The following FILIP1L variants were observed in gnomAD, a reference collection of about 807,000 sequenced individuals.
The protein encoded by FILIP1L is filamin A interacting protein 1 like.
A neutral mutation model predicts 96.6 loss-of-function variants in FILIP1L; 55 were observed. The observed-to-expected ratio is 0.57, with a 90% CI of 0.46 to 0.71. FILIP1L has a LOEUF of 0.71. Ranked by LOEUF, FILIP1L falls within the 30% of genes least tolerant of loss-of-function variation. The pLI, the probability that FILIP1L is intolerant of heterozygous loss-of-function variation, is 0.00. For synonymous variants in FILIP1L, 467 were observed against 473.9 expected, an observed-to-expected ratio of 0.99 and a Z score of 0.19; for missense variants, 1,304 against 1,321.2, an observed-to-expected ratio of 0.99 and a Z score of 0.20.
intron 1 of FILIP1L, among the ~76,000 whole-genome samples, chr3:100,092,420 T>A (rs2066126177): frequency 6.6e-6 from 1 of 152,046 alleles, no homozygotes; most frequent in Non-Finnish European, 1.5e-5. Context: ...GAGTGAGAAG[T>A]TTGGCTTTTT....
chr3:100,059,815 C>T (rs1164387321), intron 1 of FILIP1L, among the ~76,000 whole-genome samples: 4 of 152,180 alleles, frequency 2.6e-5, no homozygotes, highest in African/African-American at 7.2e-5. Flanking sequence ...TATGTATCAT[C>T]TCCTGATTTT....
chr3:100,030,548 G>A (rs549110333), intron 1 of FILIP1L, among the ~76,000 whole-genome samples: 3 of 152,098 alleles, frequency 2.0e-5, no homozygotes, highest in Admixed American at 6.6e-5. Context: ...TTTTCCCGTT[G>A]AGAGCACCTG....
chr3:100,078,678 G>A (rs963231693), intron 1 of FILIP1L, among the ~76,000 whole-genome samples: 8 of 152,120 alleles, frequency 5.3e-5, no homozygotes, highest in African/African-American at 1.7e-4. Flanking sequence ...ATCACTTGAA[G>A]TCAGGAGTTC....
chr3:99,911,450 G>T (rs1403986093), intron 4 of FILIP1L, among the ~76,000 whole-genome samples: 1 of 151,958 alleles, frequency 6.6e-6, no homozygotes, highest in East Asian at 1.9e-4. Context: ...CAACTTGCCA[G>T]TGGTGGGTTG....
intron 1 of FILIP1L, among the ~76,000 whole-genome samples, chr3:100,057,197 C>A (rs1291270853): frequency 1.3e-5 from 2 of 152,164 alleles, no homozygotes; most frequent in Non-Finnish European, 2.9e-5. Flanking sequence ...CTCTGCCCCT[C>A]CAGTGGACTA....
At chr3:100,035,245 C>T (rs764366609) in intron 1 of FILIP1L, among the ~76,000 whole-genome samples, 2 of 152,102 alleles carry the variant, frequency 1.3e-5, no homozygotes, top group Non-Finnish European at 2.9e-5. Context: ...AATGTCCATG[C>T]TGTGCGCATA....
intron 1 of FILIP1L, among the ~76,000 whole-genome samples, chr3:99,994,854 A>T (rs889808760): frequency 6.6e-6 from 1 of 152,184 alleles, no homozygotes; most frequent in Non-Finnish European, 1.5e-5. Flanking sequence ...TACCACGAGA[A>T]CAGTATGGGA....
chr3:99,883,380 A>G (rs1335122468), intron 4 of FILIP1L, among the ~76,000 whole-genome samples: 3 of 152,202 alleles, frequency 2.0e-5, no homozygotes, highest in Non-Finnish European at 4.4e-5. Flanking sequence ...GTCTTCAGTT[A>G]TTCCTATATT....
intron 1 of FILIP1L, among the ~76,000 whole-genome samples, chr3:99,968,872 G>T (rs1708731354): frequency 6.6e-6 from 1 of 152,114 alleles, no homozygotes; most frequent in Non-Finnish European, 1.5e-5. Flanking sequence ...AGAAAGTTGA[G>T]AAGGGTTAGC....
At chr3:99,925,885 C>G (rs1182929876) in intron 3 of FILIP1L, 2 of 985,266 alleles carry the variant, frequency 2.0e-6, no homozygotes, top group East Asian at 2.3e-4. Flanking sequence ...TGGCCTTGAG[C>G]TCCATTTTGC....
chr3:100,050,431 T>G (rs573271682), intron 1 of FILIP1L, among the ~76,000 whole-genome samples: 17 of 152,222 alleles, frequency 1.1e-4, no homozygotes, highest in Admixed American at 2.0e-4. Flanking sequence ...AATGCTAAAA[T>G]AGAATGCTTA....
rs369461673 is a variant in FILIP1L at position 100,051,366 on chromosome 3, A to G, written c.-11+62687T>C. The G allele has an allele frequency of 4.6e-5, 7 of 151,782 alleles. No individual in the cohort carries two copies. The East Asian group carries it at 7.7e-4, about 17-fold the overall frequency. The allele number at this position is 151,782 out of a possible 1,614,324, so 9.4% of individuals were successfully genotyped here. On this transcript the variant is annotated intron_variant, in intron 1 of 5. Coordinates refer to ENST00000477258, the MANE Select transcript of FILIP1L (RefSeq NM_001387850.1). Reference sequence around the variant, plus strand: ...ACCAATGGCTTATATTTCTTTTTATATATATATATTTTAAGTTTTAGGGTA... The same window carrying G: ...ACCAATGGCTTATATTTCTTTTTATGTATATATATTTTAAGTTTTAGGGTA...
chr3:100,037,518 T>G (rs988844891), intron 1 of FILIP1L, among the ~76,000 whole-genome samples: 1 of 152,298 alleles, frequency 6.6e-6, no homozygotes, highest in Admixed American at 6.5e-5. Context: ...TATAGAAATC[T>G]GAAAATCATA....
chr3:99,925,227 T>C (rs1349752604), intron 3 of FILIP1L, among the ~76,000 whole-genome samples: 1 of 152,206 alleles, frequency 6.6e-6, no homozygotes, highest in Non-Finnish European at 1.5e-5. Context: ...TAATCTATTA[T>C]GTGTTGGTGT....
At chr3:100,050,637 T>A (rs1221575541) in intron 1 of FILIP1L, among the ~76,000 whole-genome samples, 1 of 152,202 alleles carries the variant, frequency 6.6e-6, no homozygotes. Context: ...GTTCAAGCGA[T>A]TCTCCTGCCT....
rs74348716 is a variant in FILIP1L, at chr3:99,933,974, C to T, written c.-10-2944G>A. 6.2e-3 allele frequency among the ~76,000 whole-genome samples: 942 copies of T among 152,288 alleles called. 6 individuals are homozygous for T. Among genetic ancestry groups the T allele is most frequent in the African/African-American group, 0.018 (747 of 41,550 alleles). On this transcript the variant is annotated intron_variant, in intron 1 of 5. Transcript: ENST00000477258. ...CTCCACAGCTTCAGCTTTCTTACAG[C>T]TATTCTGGGCCTGGATGGTCTAAGA...
At chr3:100,077,726 A>G (rs764049247) in intron 1 of FILIP1L, among the ~76,000 whole-genome samples, 1 of 152,180 alleles carries the variant, frequency 6.6e-6, no homozygotes, top group Non-Finnish European at 1.5e-5. Context: ...CCTGGGCAAC[A>G]TGGCAAGACC....
intron 1 of FILIP1L, among the ~76,000 whole-genome samples, chr3:100,028,334 T>C (rs2064964660): frequency 6.6e-6 from 1 of 152,150 alleles, no homozygotes; most frequent in South Asian, 2.1e-4. Context: ...GCCCTTAACC[T>C]TTACTACTTT....
At chr3:99,864,905 T>C (rs1944436582) in intron 4 of FILIP1L, among the ~76,000 whole-genome samples, 1 of 152,204 alleles carries the variant, frequency 6.6e-6, no homozygotes, top group Admixed American at 6.5e-5. Context: ...ATGGTGTGTG[T>C]GTATGTGCGC....
Sources: allele counts gnomAD v4.1 joint callset (sites outside exome capture counted in the v4.1 genomes callset), GRCh38; gene constraint gnomAD v4.1.1; transcripts MANE v1.5; gene names NCBI Gene and HGNC (gene_info 2026-07-23, HGNC 2026-07-21).